TTC28: variants seen among roughly 807,000 people sequenced by gnomAD.
TTC28 encodes tetratricopeptide repeat domain 28.
A neutral mutation model predicts 198.0 loss-of-function variants in TTC28; 61 were observed. That is an observed-to-expected ratio of 0.31 (90% confidence interval 0.25 to 0.38). The LOEUF is 0.38. TTC28 is among the 10% of genes least tolerant of loss of function. The pLI is 1.00. For synonymous variants in TTC28, 1,171 were observed against 1,297.8 expected (o/e 0.90, Z 2.10); for missense variants, 2,678 against 3,164.0 (o/e 0.85, Z 3.69).
At chr22:28,620,049 G>C (rs981646003) in intron 2 of TTC28, among the ~76,000 whole-genome samples, 2 of 152,168 alleles carry the variant, frequency 1.3e-5, no homozygotes, top group African/African-American at 4.8e-5. Context: ...ACAACTAGCA[G>C]GAGAAACAAT....
chr22:28,042,493 A>C (rs1219848554), intron 12 of TTC28, among the ~76,000 whole-genome samples: 1 of 152,098 alleles, frequency 6.6e-6, no homozygotes, highest in Non-Finnish European at 1.5e-5. Context: ...AAAAAACCAA[A>C]CACCACACAT....
intron 2 of TTC28, among the ~76,000 whole-genome samples, chr22:28,559,599 C>A (rs1422167688): frequency 1.3e-5 from 2 of 152,212 alleles, no homozygotes; most frequent in African/African-American, 4.8e-5. Flanking sequence ...TACAGTCTTG[C>A]CTCTCTGTAG....
intron 2 of TTC28, among the ~76,000 whole-genome samples, chr22:28,544,355 AAC>A (rs1246512377): frequency 6.6e-6 from 1 of 152,264 alleles, no homozygotes; most frequent in Non-Finnish European, 1.5e-5. Context: ...TAATCAATTA[AAC>A]AGATATAAAA....
chr22:28,035,506 C>T (rs1229268408), intron 12 of TTC28, among the ~76,000 whole-genome samples: 4 of 152,202 alleles, frequency 2.6e-5, no homozygotes, highest in African/African-American at 7.2e-5. Flanking sequence ...TGTGCCAGCA[C>T]CCTATGTTGC....
intron 12 of TTC28, among the ~76,000 whole-genome samples, chr22:28,050,575 C>G (rs772878979): frequency 6.6e-6 from 1 of 152,100 alleles, no homozygotes; most frequent in Non-Finnish European, 1.5e-5. Flanking sequence ...TTGAGATGCA[C>G]GATGGCAGAG....
chr22:27,982,154 A>G lies in TTC28; in HGVS notation c.*67T>C. On this transcript the variant is annotated 3_prime_UTR_variant, in exon 23 of 23. Coordinates refer to ENST00000397906, the MANE Select transcript of TTC28 (RefSeq NM_001145418.2). The surrounding 1 kb of genome is among the most constrained non-coding windows in gnomAD (Gnocchi z 5.2). ...GGCTGTGGGGGGACTGCACTCAGGG[A>G]AGGGCTGAAGCAAACGCCAGGCCCC... 7.0e-7 allele frequency: 1 copy of G among 1,427,598 alleles called. No homozygotes were observed. Among genetic ancestry groups the G allele is most frequent in the East Asian group, 2.5e-5 (1 of 39,856 alleles). The allele number at this position is 1,427,598 out of a possible 1,614,324, so 88.4% of individuals were successfully genotyped here. A position where few individuals can be genotyped will look rare whatever the true frequency, so the allele number is the denominator to read the frequency against.
At chr22:28,186,942 T>C (rs1184686204) in intron 5 of TTC28, among the ~76,000 whole-genome samples, 1 of 152,194 alleles carries the variant, frequency 6.6e-6, no homozygotes, top group African/African-American at 2.4e-5. Context: ...AAAGCACACG[T>C]TATATCATTT....
rs574701296 is a variant in TTC28, at chr22:28,155,763, A to T, written c.1441+7329T>A. 2.6e-5 allele frequency among the ~76,000 whole-genome samples: 4 copies of T among 152,320 alleles called. No individual in the cohort carries two copies. In the South Asian group the frequency reaches 6.2e-4, roughly 24 times the overall value. On this transcript the variant is annotated intron_variant, in intron 6 of 22. Coordinates refer to ENST00000397906, the MANE Select transcript of TTC28 (RefSeq NM_001145418.2). Reference sequence around the variant, plus strand: ...GAAGTAGTGGAATTTAAAAATGGAAAATCAGACATGTCTGTAATCACAACA... The same window carrying T: ...GAAGTAGTGGAATTTAAAAATGGAATATCAGACATGTCTGTAATCACAACA...
In TTC28 at chr22:28,470,769, T is replaced by C. The variant is rs564606261; in HGVS notation, c.381+158783A>G. The stretch of plus-strand genomic sequence containing the variant: ...AAGAAACTGGAACGTAAAACAGCCG[T>C]CTGAGAAGGCAAAAATCAGTAAGGC... On this transcript the variant is annotated intron_variant, in intron 2 of 22. Coordinates refer to ENST00000397906, the MANE Select transcript of TTC28 (RefSeq NM_001145418.2). 3.9e-5 allele frequency among the ~76,000 whole-genome samples: 6 copies of C among 152,216 alleles called. 1 individual carries two copies. The East Asian group carries it at 1.2e-3, about 29-fold the overall frequency.
intron 5 of TTC28, among the ~76,000 whole-genome samples, chr22:28,170,425 C>T (rs961604783): frequency 2.2e-4 from 33 of 150,234 alleles, no homozygotes; most frequent in African/African-American, 7.6e-4. Context: ...GGAGGCAGAG[C>T]TTGCAGTGAG....
intron 2 of TTC28, among the ~76,000 whole-genome samples, chr22:28,343,927 T>A (rs2045870194): frequency 6.6e-6 from 1 of 152,184 alleles, no homozygotes; most frequent in East Asian, 1.9e-4. Context: ...TATTTCAACA[T>A]CAAATATACG....
At chr22:28,676,853 T>G (rs1360713899) in intron 1 of TTC28, among the ~76,000 whole-genome samples, 3 of 151,956 alleles carry the variant, frequency 2.0e-5, no homozygotes, top group Non-Finnish European at 4.4e-5. Context: ...AGCTAGATCC[T>G]GTCTTTAAAA....
At chr22:28,238,863 T>C (rs752896031) in intron 5 of TTC28, among the ~76,000 whole-genome samples, 13 of 152,214 alleles carry the variant, frequency 8.5e-5, no homozygotes, top group Non-Finnish European at 1.9e-4. Context: ...GAGGTCTTTC[T>C]CTTTGTTGCC....
intron 2 of TTC28, among the ~76,000 whole-genome samples, chr22:28,407,149 C>G (rs1047145705): frequency 6.6e-6 from 1 of 152,034 alleles, no homozygotes; most frequent in African/African-American, 2.4e-5. Context: ...TTAAAAAAAG[C>G]GGGGACACAA....
chr22:28,150,986 C>T (rs1943593730), intron 6 of TTC28, among the ~76,000 whole-genome samples: 1 of 152,214 alleles, frequency 6.6e-6, no homozygotes, highest in South Asian at 2.1e-4. Context: ...TTTCTGAAGT[C>T]CTAACAGAAG....
chr22:28,239,133 T>C (rs1417307599), intron 5 of TTC28, among the ~76,000 whole-genome samples: 1 of 152,180 alleles, frequency 6.6e-6, no homozygotes, highest in East Asian at 1.9e-4. Flanking sequence ...TGTAGTTGTT[T>C]ACAGTGGAAG....
intron 2 of TTC28, among the ~76,000 whole-genome samples, chr22:28,572,993 T>TA (rs1312281987): frequency 1.3e-5 from 2 of 151,584 alleles, no homozygotes; most frequent in Non-Finnish European, 2.9e-5. Context: ...TACAAAAAGT[T>TA]AAAAAATTAG....
chr22:28,418,907 T>C (rs1013403301), intron 2 of TTC28, among the ~76,000 whole-genome samples: 1 of 152,166 alleles, frequency 6.6e-6, no homozygotes, highest in Admixed American at 6.5e-5. Context: ...TGAAAACTCA[T>C]GCAGAAGGTT....
In TTC28 at chr22:28,428,796, G is replaced by A. The variant is rs532274861; in HGVS notation, c.382-122153C>T. ...TGGGACTACAGGCACCCGCCACCAC[G>A]CCCGGCTAATTTTTTTTGTATCTTT... On this transcript the variant is annotated intron_variant, in intron 2 of 22. Coordinates refer to ENST00000397906, the MANE Select transcript of TTC28 (RefSeq NM_001145418.2). Among the ~76,000 whole-genome samples, 4 of 151,758 alleles carry A rather than the reference G, an allele frequency of 2.6e-5. No homozygotes were observed. The South Asian group carries it at 6.3e-4, about 24-fold the overall frequency.
Sources: gnomAD v4.1 joint callset for allele counts (sites outside exome capture counted in the v4.1 genomes callset) on GRCh38, gnomAD v4.1.1 for gene constraint, Gnocchi (gnomAD v3.1) non-coding constraint, MANE v1.5 for transcripts, NCBI Gene and HGNC (gene_info 2026-07-23, HGNC 2026-07-21) for gene names.